The following PARD3 variants were observed in gnomAD, a reference collection of about 807,000 sequenced individuals.
The protein encoded by PARD3 is par-3 family cell polarity regulator, also known as partitioning defective 3 homolog.
A neutral mutation model predicts 155.4 loss-of-function variants in PARD3; 75 were observed. The ratio of observed to expected loss-of-function variants is 0.48; its 90% CI spans 0.40 to 0.58. The LOEUF (loss-of-function observed/expected upper bound fraction) is 0.58. PARD3 is among the 20% of genes least tolerant of loss of function. The probability of loss-of-function intolerance (pLI) is 0.00; values close to 1 mark genes in which losing one functional copy is unlikely to be tolerated. For missense variants in PARD3, 1,642 were observed against 1,721.7 expected (o/e 0.95, Z 0.82); for synonymous variants, 576 against 610.5 (o/e 0.94, Z 0.83).
intron 2 of PARD3, among the ~76,000 whole-genome samples, chr10:34,691,877 A>T (rs1337782595): frequency 6.6e-6 from 1 of 152,234 alleles, no homozygotes; most frequent in Non-Finnish European, 1.5e-5. Context: ...TGGTGCTGGG[A>T]TAACAGGCTA....
rs145321742 is a variant in PARD3, at chr10:34,429,630, C to T, written c.714+20687G>A. Among the ~76,000 whole-genome samples, 718 of 151,924 alleles carry T rather than the reference C, an allele frequency of 4.7e-3. 3 individuals are homozygous for T. Among genetic ancestry groups the T allele is most frequent in the African/African-American group, 0.016 (681 of 41,396 alleles). ...AAACGGAGTCTTGCACTGTTGCCCGCGCTGGAGTGCAATGATGTGATCTCA... is the reference window on the plus strand; with the variant it reads ...AAACGGAGTCTTGCACTGTTGCCCGTGCTGGAGTGCAATGATGTGATCTCA... On this transcript the variant is annotated intron_variant, in intron 5 of 24. Coordinates refer to ENST00000374788, the MANE Select transcript of PARD3 (RefSeq NM_001184785.2).
chr10:34,352,607 G>A (rs1048550263), intron 14 of PARD3, among the ~76,000 whole-genome samples: 8 of 152,206 alleles, frequency 5.3e-5, no homozygotes, highest in African/African-American at 1.9e-4. Context: ...TGGGCCTCCC[G>A]AGGTGCCGGG....
chr10:34,261,729 G>A (rs112580710), intron 22 of PARD3, among the ~76,000 whole-genome samples: 11 of 56,662 alleles, frequency 1.9e-4, no homozygotes, highest in African/African-American at 3.6e-4. Context: ...AGGAAGAAAG[G>A]AAGGAAGAAA....
intron 5 of PARD3, among the ~76,000 whole-genome samples, chr10:34,419,318 A>T (rs1487726670): frequency 6.6e-6 from 1 of 152,018 alleles, no homozygotes; most frequent in Non-Finnish European, 1.5e-5. Context: ...GGAGTTCAAG[A>T]CCAGCCTGAC....
chr10:34,572,503 G>C (rs1165534291), intron 2 of PARD3, among the ~76,000 whole-genome samples: 3 of 149,632 alleles, frequency 2.0e-5, no homozygotes, highest in African/African-American at 7.7e-5. Flanking sequence ...AGCCAGGTGT[G>C]GTGGGTGCGC....
intron 3 of PARD3, among the ~76,000 whole-genome samples, chr10:34,494,417 C>A (rs1323936542): frequency 2.0e-5 from 3 of 152,164 alleles, no homozygotes; most frequent in Admixed American, 6.5e-5. Flanking sequence ...TATTCTTAAC[C>A]GTACTGGGAA....
At chr10:34,343,787 T>C (rs910829782) in intron 15 of PARD3, 4 of 984,202 alleles carry the variant, frequency 4.1e-6, no homozygotes, top group Non-Finnish European at 4.8e-6. Flanking sequence ...TAAACTTTCC[T>C]CTATCTTCAA....
chr10:34,786,344 T>C (rs746224055), intron 1 of PARD3, among the ~76,000 whole-genome samples: 2 of 152,198 alleles, frequency 1.3e-5, no homozygotes, highest in South Asian at 2.1e-4. Flanking sequence ...GGCCAAAGCT[T>C]TGACCCATAA....
intron 12 of PARD3, among the ~76,000 whole-genome samples, chr10:34,364,775 T>C (rs766599299): frequency 6.6e-6 from 1 of 152,122 alleles, no homozygotes; most frequent in African/African-American, 2.4e-5. Flanking sequence ...CAAAAATCCC[T>C]AGTAAATTAA....
At chr10:34,388,895 A>G (rs1010496891) in intron 7 of PARD3, among the ~76,000 whole-genome samples, 37 of 152,232 alleles carry the variant, frequency 2.4e-4, no homozygotes, top group African/African-American at 8.4e-4. Context: ...GACAAAAGAC[A>G]TAAGAGAAAA....
chr10:34,355,570 T>C (rs1838706826), intron 14 of PARD3, among the ~76,000 whole-genome samples: 1 of 152,030 alleles, frequency 6.6e-6, no homozygotes. Context: ...ATAGTATTCA[T>C]CCTAACAAGT....
At chr10:34,603,765 A>G (rs889965282) in intron 2 of PARD3, among the ~76,000 whole-genome samples, 1 of 152,198 alleles carries the variant, frequency 6.6e-6, no homozygotes, top group Non-Finnish European at 1.5e-5. Context: ...CTGTACCAGA[A>G]AACATTAAAT....
chr10:34,344,629 A>G, intron 15 of PARD3: 1 of 985,372 alleles, frequency 1.0e-6, no homozygotes, highest in Non-Finnish European at 1.2e-6. Context: ...CAACCATTAG[A>G]AAAATGTTTA....
intron 22 of PARD3, among the ~76,000 whole-genome samples, chr10:34,212,130 C>A (rs998159299): frequency 1.6e-4 from 24 of 151,784 alleles, no homozygotes; most frequent in Non-Finnish European, 1.3e-4. Flanking sequence ...ATGCTCAAAT[C>A]GCTATTATCC....
At chr10:34,336,403 G>GA (rs199962781) in intron 17 of PARD3, 160 bp from the exon 18 acceptor site, 311 of 561,936 alleles carry the variant, frequency 5.5e-4, no homozygotes, top group African/African-American at 5.2e-3. Context: ...AAAAAAGGAG[G>GA]AAAAAAAAGC....
chr10:34,346,166 G>C, intron 15 of PARD3: 1 of 1,100,170 alleles, frequency 9.1e-7, no homozygotes, highest in Non-Finnish European at 1.1e-6. Flanking sequence ...TACATATCTA[G>C]CAGAAGGAAG....
intron 22 of PARD3, among the ~76,000 whole-genome samples, chr10:34,184,786 T>A (rs1305497568): frequency 6.7e-6 from 1 of 149,474 alleles, no homozygotes. Flanking sequence ...GAACCTACCA[T>A]GAAAAACATA....
chr10:34,151,370 G>T (rs1275108558), intron 22 of PARD3, among the ~76,000 whole-genome samples: 1 of 152,122 alleles, frequency 6.6e-6, no homozygotes, highest in African/African-American at 2.4e-5. Context: ...TGTGGCTTTA[G>T]TCGATGTTTG....
intron 18 of PARD3, among the ~76,000 whole-genome samples, chr10:34,332,312 G>A (rs534157381): frequency 1.3e-5 from 2 of 152,194 alleles, no homozygotes; most frequent in Non-Finnish European, 2.9e-5. Context: ...ATACTCAAAG[G>A]TAGACTAATT....
Sources: allele counts gnomAD v4.1 joint callset (sites outside exome capture counted in the v4.1 genomes callset), GRCh38; gene constraint gnomAD v4.1.1; transcripts MANE v1.5; gene names NCBI Gene and HGNC (gene_info 2026-07-23, HGNC 2026-07-21).